The following BCKDHB variants were observed in gnomAD, a reference collection of about 807,000 sequenced individuals.
BCKDHB encodes 2-oxoisovalerate dehydrogenase subunit beta, mitochondrial.
A neutral mutation model predicts 48.5 loss-of-function variants in BCKDHB; 41 were observed. That is an observed-to-expected ratio of 0.85 (90% confidence interval 0.66 to 1.10). The LOEUF is 1.10. Ranked by LOEUF, BCKDHB falls within the 50% of genes least tolerant of loss-of-function variation. BCKDHB has a pLI of 0.00. For missense variants in BCKDHB, 496 were observed against 494.2 expected (o/e 1.00, Z -0.03); for synonymous variants, 201 against 174.8 (o/e 1.15, Z -1.18).
intron 8 of BCKDHB, among the ~76,000 whole-genome samples, chr6:80,225,765 T>G (rs1775653208): frequency 6.6e-6 from 1 of 152,212 alleles, no homozygotes; most frequent in Non-Finnish European, 1.5e-5. Context: ...TCCCCACTTT[T>G]CTTCATTCTG....
the BCKDHB span, among the ~76,000 whole-genome samples, chr6:80,405,331 GT>G: frequency 6.6e-6 from 1 of 151,808 alleles, no homozygotes; most frequent in African/African-American, 2.4e-5. Flanking sequence ...AGTCTATTTT[GT>G]CTTATATAAG....
At chr6:80,260,871 T>C (rs1346623616) in intron 8 of BCKDHB, among the ~76,000 whole-genome samples, 1 of 152,186 alleles carries the variant, frequency 6.6e-6, no homozygotes, top group African/African-American at 2.4e-5. Context: ...ATCTTGATAT[T>C]TGGAAAAAAA....
At chr6:80,323,326 A>G (rs570788470) in intron 9 of BCKDHB, among the ~76,000 whole-genome samples, 47 of 152,332 alleles carry the variant, frequency 3.1e-4, no homozygotes, top group Middle Eastern at 3.4e-3. Flanking sequence ...TTGTGAACAC[A>G]TAGTACAAAT....
intron 1 of BCKDHB, among the ~76,000 whole-genome samples, chr6:80,109,005 C>T (rs910838359): frequency 1.1e-4 from 17 of 152,174 alleles, no homozygotes; most frequent in African/African-American, 1.9e-4. Flanking sequence ...CTTATTTAGT[C>T]GGAAGAATTA....
intron 3 of BCKDHB, among the ~76,000 whole-genome samples, chr6:80,139,545 A>G (rs1398135113): frequency 6.6e-6 from 1 of 150,474 alleles, no homozygotes; most frequent in Non-Finnish European, 1.5e-5. Context: ...TCCCAGCACC[A>G]TTTATTAAAT....
At chr6:80,459,487 A>G in the BCKDHB span, among the ~76,000 whole-genome samples, 1 of 152,138 alleles carries the variant, frequency 6.6e-6, no homozygotes, top group African/African-American at 2.4e-5. Context: ...GGTGGAGGTA[A>G]ATAGGGAATT....
intron 9 of BCKDHB, among the ~76,000 whole-genome samples, chr6:80,298,304 G>T (rs1429313873): frequency 1.3e-5 from 2 of 151,922 alleles, no homozygotes; most frequent in African/African-American, 4.8e-5. Context: ...GTAGAGACAG[G>T]GTTTTGCCAT....
the BCKDHB span, among the ~76,000 whole-genome samples, chr6:80,425,135 CTT>C: frequency 6.6e-6 from 1 of 152,126 alleles, no homozygotes; most frequent in African/African-American, 2.4e-5. Flanking sequence ...ACAAAGATGA[CTT>C]TACACTAATT....
At chr6:80,328,559 T>TCTA (rs1440575471) in intron 9 of BCKDHB, among the ~76,000 whole-genome samples, 3 of 152,200 alleles carry the variant, frequency 2.0e-5, no homozygotes, top group African/African-American at 7.2e-5. Context: ...TCAGTGCATA[T>TCTA]CTAGAGGCGA....
chr6:80,113,828 T>A (rs1769541567), intron 1 of BCKDHB, among the ~76,000 whole-genome samples: 1 of 152,194 alleles, frequency 6.6e-6, no homozygotes, highest in East Asian at 1.9e-4. Context: ...CAGAATTGTC[T>A]GGGGTTGGTC....
the BCKDHB span, among the ~76,000 whole-genome samples, chr6:80,434,299 C>A: frequency 2.0e-5 from 3 of 151,470 alleles, no homozygotes; most frequent in Non-Finnish European, 4.4e-5. Context: ...TAAAAACATA[C>A]AACAGATTAT....
intron 6 of BCKDHB, among the ~76,000 whole-genome samples, chr6:80,184,511 T>C (rs1773552707): frequency 1.3e-5 from 2 of 152,178 alleles, no homozygotes; most frequent in Admixed American, 1.3e-4. Flanking sequence ...TTTAAAGTTG[T>C]CTTTTTTTAA....
At chr6:80,349,787 CTT>C (rs1315592540), downstream of BCKDHB, among the ~76,000 whole-genome samples, 2 of 152,062 alleles carry the variant, frequency 1.3e-5, no homozygotes, top group South Asian at 2.1e-4. Flanking sequence ...CAAGTGAAAA[CTT>C]TACAGTTACA....
At chr6:80,124,503 T>A (rs1393488955) in intron 1 of BCKDHB, among the ~76,000 whole-genome samples, 2 of 152,184 alleles carry the variant, frequency 1.3e-5, no homozygotes, top group Non-Finnish European at 2.9e-5. Context: ...TGTTAAAGTC[T>A]CCCAATATTA....
At chr6:80,301,051 A>G (rs1390310905) in intron 9 of BCKDHB, among the ~76,000 whole-genome samples, 3 of 152,164 alleles carry the variant, frequency 2.0e-5, no homozygotes, top group Admixed American at 1.3e-4. Context: ...TTAAGAGAAA[A>G]GTTTATAGCC....
chr6:80,332,451 G>A (rs1470424430), intron 9 of BCKDHB, among the ~76,000 whole-genome samples: 2 of 152,152 alleles, frequency 1.3e-5, no homozygotes, highest in African/African-American at 4.8e-5. Flanking sequence ...TCTACAAAGT[G>A]AATTAACTGT....
the BCKDHB span, among the ~76,000 whole-genome samples, chr6:80,352,039 T>C: frequency 6.6e-6 from 1 of 152,106 alleles, no homozygotes; most frequent in African/African-American, 2.4e-5. Context: ...CAGGCTGGTC[T>C]CGAACTCCCG....
chr6:80,298,663 C>T (rs1422545072), intron 9 of BCKDHB, among the ~76,000 whole-genome samples: 2 of 152,174 alleles, frequency 1.3e-5, no homozygotes, highest in Non-Finnish European at 2.9e-5. Context: ...TTCATGTTCC[C>T]AAGGACATTT....
intron 9 of BCKDHB, among the ~76,000 whole-genome samples, chr6:80,285,877 T>A (rs946195765): frequency 6.6e-6 from 1 of 152,128 alleles, no homozygotes. Flanking sequence ...ACTATGAAAT[T>A]GCTTAATACC....
Sources: gnomAD v4.1 joint callset for allele counts (sites outside exome capture counted in the v4.1 genomes callset) on GRCh38, gnomAD v4.1.1 for gene constraint, MANE v1.5 for transcripts, NCBI Gene and HGNC (gene_info 2026-07-23, HGNC 2026-07-21) for gene names.